LDAH: variants seen among roughly 807,000 people sequenced by gnomAD.
LDAH encodes the protein lipid droplet associated hydrolase.
Under a neutral mutation model 29.6 loss-of-function variants are expected in LDAH, and 26 were observed. The ratio of observed to expected loss-of-function variants is 0.88; its 90% CI spans 0.64 to 1.22. The LOEUF (loss-of-function observed/expected upper bound fraction) is 1.22, where lower values mean the gene tolerates loss of function less well. Among genes scored for constraint, LDAH ranks in the 50% most tolerant of loss-of-function variants. The pLI is 0.00. For synonymous variants in LDAH, 117 were observed against 133.0 expected (o/e 0.88, Z 0.83); for missense variants, 344 against 387.3 (o/e 0.89, Z 0.94).
chr2:20,710,606 G>GTGTGTATATATATATATATATATATA (rs1467950593), intron 5 of LDAH, among the ~76,000 whole-genome samples: 5 of 131,866 alleles, frequency 3.8e-5, no homozygotes, highest in African/African-American at 1.4e-4. Flanking sequence ...GTGTGTGTGT[G>GTGTGTATATATATATATATATATATA]TATATATATA....
chr2:20,785,838 G>A (rs1161509075), intron 3 of LDAH, among the ~76,000 whole-genome samples: 3 of 151,980 alleles, frequency 2.0e-5, no homozygotes, highest in Admixed American at 6.6e-5. Context: ...TTTTTGTTAC[G>A]GTGTTTTCTA....
rs1666246556 is a variant in LDAH, at chr2:20,729,420, TA to T, written c.703+10550del. On this transcript the variant is annotated intron_variant, in intron 5 of 6. Transcript: ENST00000237822. ...TAGCTAGACTTTTCATATATAAATT[TA>T]AAAAATGTATAAAATTTATATCCCA... 3.3e-5 allele frequency among the ~76,000 whole-genome samples: 5 copies of T among 152,312 alleles called. No homozygotes were observed. The South Asian group carries it at 1.0e-3, about 32-fold the overall frequency.
chr2:20,701,753 C>A (rs190796112), intron 5 of LDAH, 101 bp from the exon 6 acceptor site: 3 of 1,040,066 alleles, frequency 2.9e-6, no homozygotes, highest in Non-Finnish European at 4.4e-6. Context: ...TCTTTTGGCA[C>A]GTGCTATCTG....
At chr2:20,792,642 G>A (rs1671050722) in intron 2 of LDAH, among the ~76,000 whole-genome samples, 1 of 151,994 alleles carries the variant, frequency 6.6e-6, no homozygotes, top group Non-Finnish European at 1.5e-5. Context: ...ACATGGTAGG[G>A]GCTGAATAAA....
Position 20,740,435 on chromosome 2 carries a change from A to G in LDAH, c.469-230T>C, listed in dbSNP as rs1572519621. 2.0e-5 allele frequency among the ~76,000 whole-genome samples: 3 copies of G among 152,216 alleles called. No homozygotes were observed. In the East Asian group the frequency reaches 5.8e-4, roughly 29 times the overall value. On this transcript the variant is annotated intron_variant, in intron 4 of 6. Coordinates refer to ENST00000237822, the MANE Select transcript of LDAH (RefSeq NM_021925.4). ...GTGATCCTCCCACCTCGGCCTCCCA[A>G]GTAACTGGGACTACAGGTGTGCACC...
Position 20,719,486 on chromosome 2 carries a change from T to C in LDAH, c.704-17834A>G, listed in dbSNP as rs1665489688. On this transcript the variant is annotated intron_variant, in intron 5 of 6. Transcript: ENST00000237822. ...ATGAGTAAGATCTAAATAATAATAA[T>C]AAGTCTCCCATGAAAGGAAAGTCCA... Among the ~76,000 whole-genome samples the C allele has an allele frequency of 2.0e-5, 3 of 151,844 alleles. No individual in the cohort carries two copies. The South Asian group carries it at 6.2e-4, about 32-fold the overall frequency.
chr2:20,738,623 A>G (rs1302935248), intron 5 of LDAH, among the ~76,000 whole-genome samples: 1 of 152,158 alleles, frequency 6.6e-6, no homozygotes, highest in African/African-American at 2.4e-5. Flanking sequence ...TCTTTAAGGG[A>G]TATTTCCAAC....
At chr2:20,797,972 G>A (rs371251332) in intron 2 of LDAH, among the ~76,000 whole-genome samples, 165 of 152,180 alleles carry the variant, frequency 1.1e-3, no homozygotes, top group African/African-American at 3.8e-3. Flanking sequence ...ACAAAGAAAA[G>A]GTCTCGAAAA....
At chr2:20,790,158 G>A (rs572409962) in intron 3 of LDAH, 97 bp downstream of exon 3, 2 of 1,280,768 alleles carry the variant, frequency 1.6e-6, no homozygotes, top group African/African-American at 3.0e-5. Flanking sequence ...GCCACAAGCA[G>A]AGGTTTCCAC....
chr2:20,694,834 C>A lies in LDAH; in HGVS notation c.786+6736G>T, dbSNP rs1195569057. ...AGCACTCTCCTTTCCGTGTGGCTAA[C>A]ATGTAAAGGGCCAGGATCCTCTCCC... is the stretch of plus-strand genomic sequence containing the variant. On this transcript the variant is annotated intron_variant, in intron 6 of 6. Transcript: ENST00000237822. Among the ~76,000 whole-genome samples the A allele has an allele frequency of 2.6e-5, 4 of 152,330 alleles. No individual in the cohort carries two copies. In the East Asian group the frequency reaches 7.7e-4, roughly 29 times the overall value.
At chr2:20,689,653 G>C (rs340594) in intron 6 of LDAH, among the ~76,000 whole-genome samples, 12,770 of 152,254 alleles carry the variant, frequency 0.084, 797 homozygotes, top group East Asian at 0.18. Flanking sequence ...CTCTCTCTAA[G>C]CTACTCCCTA....
At chr2:20,774,256 G>C (rs1443608145) in intron 4 of LDAH, among the ~76,000 whole-genome samples, 1 of 152,070 alleles carries the variant, frequency 6.6e-6, no homozygotes, top group Admixed American at 6.5e-5. Context: ...CTTAATATCT[G>C]GCACACAGTG....
At chr2:20,821,190 T>C (rs1407791479) in intron 1 of LDAH, among the ~76,000 whole-genome samples, 1 of 152,184 alleles carries the variant, frequency 6.6e-6, no homozygotes, top group African/African-American at 2.4e-5. Flanking sequence ...AGCTCAACCA[T>C]TGTGGAAGTC....
Position 20,764,893 on chromosome 2 carries a change from A to T in LDAH, c.468+9917T>A, listed in dbSNP as rs144544879. 1.9e-3 allele frequency among the ~76,000 whole-genome samples: 295 copies of T among 152,346 alleles called. 1 individual carries two copies. The highest frequency in any genetic ancestry group is 6.7e-3 in the African/African-American group (280 of 41,568). On this transcript the variant is annotated intron_variant, in intron 4 of 6. Coordinates refer to ENST00000237822, the MANE Select transcript of LDAH (RefSeq NM_021925.4). ...CTTCGGTCTCATCTTTAAGATGGGA[A>T]AAATCAGATTGTTAAAATACCTTGT... is the stretch of plus-strand genomic sequence containing the variant.
intron 2 of LDAH, among the ~76,000 whole-genome samples, chr2:20,799,947 G>C (rs1671555135): frequency 6.6e-6 from 1 of 152,126 alleles, no homozygotes. Flanking sequence ...AACATGGAAA[G>C]AAACTCCTGG....
chr2:20,789,197 C>T (rs1208778638), intron 3 of LDAH: 1 of 1,550,490 alleles, frequency 6.4e-7, no homozygotes, highest in Non-Finnish European at 8.7e-7. Flanking sequence ...ATAGGTGAAA[C>T]CCTATGCCCA....
At chr2:20,683,829 C>T (rs938463074), downstream of LDAH, among the ~76,000 whole-genome samples, 1 of 151,420 alleles carries the variant, frequency 6.6e-6, no homozygotes, top group African/African-American at 2.4e-5. Context: ...ATACTAAATG[C>T]TATATGCATG....
chr2:20,705,908 G>A (rs996295731), intron 5 of LDAH, among the ~76,000 whole-genome samples: 2 of 152,152 alleles, frequency 1.3e-5, no homozygotes, highest in Non-Finnish European at 2.9e-5. Context: ...GCACATTCTA[G>A]AGTAGTGCTA....
chr2:20,706,449 G>A (rs1664307670), intron 5 of LDAH, among the ~76,000 whole-genome samples: 1 of 152,138 alleles, frequency 6.6e-6, no homozygotes, highest in Non-Finnish European at 1.5e-5. Context: ...CTGTCTACTT[G>A]AAGTCTTCCC....
Sources: gnomAD v4.1 joint callset for allele counts (sites outside exome capture counted in the v4.1 genomes callset) on GRCh38, gnomAD v4.1.1 for gene constraint, MANE v1.5 for transcripts, NCBI Gene and HGNC (gene_info 2026-07-23, HGNC 2026-07-21) for gene names.